Variants in EYA1 observed in about 807,000 individuals in gnomAD.
EYA1 encodes EYA transcriptional coactivator and phosphatase 1, also known as protein phosphatase EYA1.
Under a neutral mutation model 82.0 loss-of-function variants are expected in EYA1, and 16 were observed. That is an observed-to-expected ratio of 0.20 (90% CI 0.13 to 0.30). The LOEUF (loss-of-function observed/expected upper bound fraction) is 0.30. EYA1 is among the 10% of genes least tolerant of loss of function. The pLI is 1.00. For synonymous variants in EYA1, 261 were observed against 264.4 expected (o/e 0.99, Z 0.12); for missense variants, 633 against 730.7 (o/e 0.87, Z 1.54).
At chr8:71,354,352 T>C (rs930851986) in intron 3 of EYA1, among the ~76,000 whole-genome samples, 1 of 152,122 alleles carries the variant, frequency 6.6e-6, no homozygotes, top group African/African-American at 2.4e-5. Flanking sequence ...AACAATCCAG[T>C]CCAACGTCTA....
intron 2 of EYA1, among the ~76,000 whole-genome samples, chr8:71,381,612 G>A (rs1276133582): frequency 1.3e-5 from 2 of 152,208 alleles, no homozygotes; most frequent in African/African-American, 4.8e-5. Flanking sequence ...AAAAAAATAT[G>A]TATTACACTC....
At chr8:71,453,414 A>G (rs1164048888) in intron 2 of EYA1, among the ~76,000 whole-genome samples, 1 of 152,220 alleles carries the variant, frequency 6.6e-6, no homozygotes, top group Non-Finnish European at 1.5e-5. Flanking sequence ...CAGGAAATAC[A>G]GAGAACGCCA....
intron 3 of EYA1, among the ~76,000 whole-genome samples, chr8:71,339,716 CAAG>C (rs1394170447): frequency 3.3e-5 from 5 of 152,098 alleles, no homozygotes; most frequent in Non-Finnish European, 5.9e-5. Flanking sequence ...CCTATTTTAC[CAAG>C]AAGACTTTCC....
intron 2 of EYA1, among the ~76,000 whole-genome samples, chr8:71,390,863 A>G (rs895588162): frequency 1.3e-5 from 2 of 151,948 alleles, no homozygotes; most frequent in African/African-American, 4.8e-5. Flanking sequence ...CTATTAATCT[A>G]TTTCAAGTTC....
At chr8:71,343,084 A>T (rs1266023931) in intron 3 of EYA1, among the ~76,000 whole-genome samples, 1 of 152,202 alleles carries the variant, frequency 6.6e-6, no homozygotes, top group Non-Finnish European at 1.5e-5. Flanking sequence ...CATTGGCACT[A>T]GAGAAGCTTT....
chr8:71,535,664 T>C, intron 2 of EYA1: 3 of 1,017,632 alleles, frequency 2.9e-6, no homozygotes, highest in Non-Finnish European at 4.3e-6. Context: ...ATCTTCCAGA[T>C]ACTCGGGTTA....
At chr8:71,322,754 A>G (rs1017750437) in intron 4 of EYA1, among the ~76,000 whole-genome samples, 1 of 152,196 alleles carries the variant, frequency 6.6e-6, no homozygotes, top group Non-Finnish European at 1.5e-5. Context: ...GGGTGAGAAG[A>G]AACAGGATAG....
At position 71,417,447 on chromosome 8, in the gene EYA1, T is replaced by A. The variant is rs151094503; in HGVS notation, c.34-60936A>T. Among the ~76,000 whole-genome samples, 151 of 152,330 alleles carry A rather than the reference T, an allele frequency of 9.9e-4. 2 individuals carry two copies. The highest frequency in any genetic ancestry group is 3.5e-3 in the African/African-American group (146 of 41,570). On this transcript the variant is annotated intron_variant, in intron 2 of 18. Coordinates refer to the EYA1 transcript ENST00000643681. ...CATGGACAAGTTTAGAAAGCCATTT[T>A]TTGCCTACTAAAAGTTTTTTTTAAA...
At chr8:71,346,923 T>G (rs1351656248) in intron 3 of EYA1, among the ~76,000 whole-genome samples, 1 of 152,242 alleles carries the variant, frequency 6.6e-6, no homozygotes, top group African/African-American at 2.4e-5. Flanking sequence ...CAATTTTTTT[T>G]ATTTGGCTTT....
At chr8:71,420,402 T>C (rs1831082558) in intron 2 of EYA1, among the ~76,000 whole-genome samples, 1 of 152,110 alleles carries the variant, frequency 6.6e-6, no homozygotes, top group Non-Finnish European at 1.5e-5. Flanking sequence ...GTGGAAAACA[T>C]GGAAAAAAAT....
At chr8:71,308,868 C>T (rs765258410) in intron 7 of EYA1, among the ~76,000 whole-genome samples, 1 of 152,124 alleles carries the variant, frequency 6.6e-6, no homozygotes, top group Non-Finnish European at 1.5e-5. Context: ...CATTTTCTAG[C>T]ACTTACTGGG....
At chr8:71,389,613 A>G (rs555669985) in intron 2 of EYA1, among the ~76,000 whole-genome samples, 1 of 152,216 alleles carries the variant, frequency 6.6e-6, no homozygotes, top group African/African-American at 2.4e-5. Flanking sequence ...TCATGGAAAA[A>G]AATCTTTCTA....
At chr8:71,350,990 T>C (rs1230408261) in intron 3 of EYA1, among the ~76,000 whole-genome samples, 2 of 152,208 alleles carry the variant, frequency 1.3e-5, no homozygotes, top group Non-Finnish European at 2.9e-5. Context: ...CACAAAGCCT[T>C]TGCCACGCAG....
chr8:71,427,902 C>T (rs1489864590), intron 2 of EYA1, among the ~76,000 whole-genome samples: 1 of 151,538 alleles, frequency 6.6e-6, no homozygotes, highest in East Asian at 1.9e-4. Flanking sequence ...GTTGCTTGAG[C>T]CTGGGAGGTC....
At chr8:71,486,941 G>A (rs532376051) in intron 2 of EYA1, among the ~76,000 whole-genome samples, 86 of 151,226 alleles carry the variant, frequency 5.7e-4, no homozygotes, top group Non-Finnish European at 1.1e-3. Flanking sequence ...TCACTTCTCA[G>A]GTGGTTCCAA....
intron 2 of EYA1, among the ~76,000 whole-genome samples, chr8:71,390,445 T>A (rs1323586936): frequency 6.6e-6 from 1 of 152,094 alleles, no homozygotes; most frequent in Non-Finnish European, 1.5e-5. Flanking sequence ...AAATTTTTTG[T>A]GGAGATGGGA....
At chr8:71,358,187 G>C (rs1382643061) in intron 1 of EYA1, among the ~76,000 whole-genome samples, 2 of 152,090 alleles carry the variant, frequency 1.3e-5, no homozygotes, top group Admixed American at 1.3e-4. Flanking sequence ...AGTTTGGTTA[G>C]ATTTATATTT....
upstream of EYA1, among the ~76,000 whole-genome samples, chr8:71,364,169 A>G (rs1158648262): frequency 6.6e-6 from 1 of 151,950 alleles, no homozygotes; most frequent in African/African-American, 2.4e-5. Context: ...GATATGGTAT[A>G]GCTCATGCTT....
At chr8:71,395,872 G>A (rs947075582) in intron 2 of EYA1, among the ~76,000 whole-genome samples, 2 of 152,106 alleles carry the variant, frequency 1.3e-5, no homozygotes, top group African/African-American at 4.8e-5. Context: ...AATGGTACCA[G>A]CTCCTGTTTG....
Sources: gnomAD v4.1 joint callset for allele counts (sites outside exome capture counted in the v4.1 genomes callset) on GRCh38, gnomAD v4.1.1 for gene constraint, MANE v1.5 for transcripts, NCBI Gene and HGNC (gene_info 2026-07-23, HGNC 2026-07-21) for gene names.